HDAC8: variants seen among roughly 807,000 people sequenced by gnomAD.
HDAC8 encodes the protein histone deacetylase-like 1.
HDAC8 carries 1 observed loss-of-function variant against 32.2 expected under a neutral mutation model. That is an observed-to-expected ratio of 0.03 (90% CI 0.01 to 0.15). The LOEUF (loss-of-function observed/expected upper bound fraction) is 0.15. Ranked by LOEUF, HDAC8 falls within the 10% of genes least tolerant of loss-of-function variation. The pLI is 1.00. For missense variants in HDAC8, 117 were observed against 300.0 expected, an observed-to-expected ratio of 0.39 and a Z score of 4.51; for synonymous variants, 108 against 113.9, an observed-to-expected ratio of 0.95 and a Z score of 0.33.
intron 8 of HDAC8, among the ~76,000 whole-genome samples, chrX:72,462,726 G>A (rs781881765): frequency 3.6e-5 from 4 of 111,285 alleles, no homozygotes; most frequent in East Asian, 2.8e-4. Flanking sequence ...GTCACCCAAC[G>A]GCCATATTAT....
intron 9 of HDAC8, among the ~76,000 whole-genome samples, chrX:72,362,007 C>T (rs1384504309): frequency 3.6e-5 from 4 of 111,632 alleles, no homozygotes; most frequent in Non-Finnish European, 7.5e-5. Flanking sequence ...TGAAGCAATA[C>T]GCACAGCAGT....
intron 9 of HDAC8, among the ~76,000 whole-genome samples, chrX:72,371,581 G>A (rs2044877802): frequency 1.8e-5 from 2 of 111,519 alleles, no homozygotes; most frequent in Admixed American, 9.6e-5. Context: ...TTCTAGGAGA[G>A]AAAGCAGGAA....
At chrX:72,374,672 C>CAA (rs782421738) in intron 9 of HDAC8, among the ~76,000 whole-genome samples, 2 of 94,068 alleles carry the variant, frequency 2.1e-5, no homozygotes, top group African/African-American at 7.8e-5. Context: ...AACCCTGTCT[C>CAA]AAAAAAAAAA....
intron 9 of HDAC8, among the ~76,000 whole-genome samples, chrX:72,380,923 G>T (rs1227906000): frequency 1.8e-5 from 2 of 111,282 alleles, no homozygotes; most frequent in African/African-American, 6.5e-5. Context: ...TTAAAATCTG[G>T]TGTGTACTGA....
chrX:72,442,160 A>G (rs1226190534), intron 9 of HDAC8, among the ~76,000 whole-genome samples: 2 of 111,078 alleles, frequency 1.8e-5, no homozygotes, highest in African/African-American at 3.3e-5. Flanking sequence ...GCAGGCCAAC[A>G]TTCAGATTCA....
intron 9 of HDAC8, among the ~76,000 whole-genome samples, chrX:72,376,811 A>G (rs1242681018): frequency 9.0e-6 from 1 of 110,959 alleles, no homozygotes; most frequent in Non-Finnish European, 1.9e-5. Context: ...TTAATTTGTA[A>G]TCTTTCTTAT....
intron 9 of HDAC8, among the ~76,000 whole-genome samples, chrX:72,443,202 A>G (rs2047230815): frequency 1.8e-5 from 2 of 110,686 alleles, no homozygotes; most frequent in South Asian, 3.9e-4. Context: ...ACATCTACAG[A>G]ACTCTCCACC....
intron 9 of HDAC8, among the ~76,000 whole-genome samples, chrX:72,403,363 T>C (rs782376460): frequency 1.3e-3 from 145 of 112,164 alleles, no homozygotes; most frequent in Non-Finnish European, 2.4e-3. Context: ...CTTACTAGTA[T>C]CTACTTCAGA....
intron 7 of HDAC8, among the ~76,000 whole-genome samples, chrX:72,483,149 A>T (rs1371715595): frequency 4.5e-5 from 5 of 112,205 alleles, no homozygotes; most frequent in African/African-American, 1.6e-4. Flanking sequence ...CAGGCAAACA[A>T]TAAACTATGT....
intron 4 of HDAC8, among the ~76,000 whole-genome samples, chrX:72,524,955 C>T (rs906910725): frequency 5.4e-5 from 6 of 111,795 alleles, no homozygotes; most frequent in African/African-American, 2.0e-4. Context: ...TCGTGGAAGA[C>T]AATTTTTCCA....
In HDAC8 at chrX:72,458,298, C is replaced by CAATCACTGGCCTTATGG. The variant is rs1393753716; in HGVS notation, c.1005+3705_1005+3706insCCATAAGGCCAGTGATT. 1.3e-3 allele frequency among the ~76,000 whole-genome samples: 144 copies of CAATCACTGGCCTTATGG among 112,863 alleles called. 2 individuals carry two copies. Among genetic ancestry groups the CAATCACTGGCCTTATGG allele is most frequent in the African/African-American group, 4.2e-3 (130 of 31,095 alleles). ...TAACTTCCTCATCACTGGCTTTATGCCATCACTGGCCTTATGGCATCACTG... is the reference window on the plus strand; with the variant it reads ...TAACTTCCTCATCACTGGCTTTATGCAATCACTGGCCTTATGGCATCACTGGCCTTATGGCATCACTG... On this transcript the variant is annotated intron_variant, in intron 9 of 10. Coordinates refer to ENST00000373573, the MANE Select transcript of HDAC8 (RefSeq NM_018486.3).
intron 7 of HDAC8, among the ~76,000 whole-genome samples, chrX:72,481,836 C>G (rs1360743799): frequency 9.1e-6 from 1 of 110,087 alleles, no homozygotes; most frequent in African/African-American, 3.3e-5. Flanking sequence ...TCTTGAACCC[C>G]TAGCCTCAAT....
intron 10 of HDAC8, among the ~76,000 whole-genome samples, chrX:72,344,754 C>T (rs1179556782): frequency 9.0e-6 from 1 of 110,756 alleles, no homozygotes; most frequent in African/African-American, 3.3e-5. Flanking sequence ...CTATAAATGG[C>T]CTACCTCCCA....
intron 4 of HDAC8, among the ~76,000 whole-genome samples, chrX:72,499,877 C>A (rs891080888): frequency 9.0e-6 from 1 of 110,771 alleles, no homozygotes; most frequent in African/African-American, 3.3e-5. Flanking sequence ...TAAGATAGGC[C>A]GCTAGCTAGA....
intron 10 of HDAC8, among the ~76,000 whole-genome samples, chrX:72,338,426 C>T (rs1379765712): frequency 9.1e-6 from 1 of 109,811 alleles, no homozygotes; most frequent in Non-Finnish European, 1.9e-5. Context: ...GAGAACCAGG[C>T]TAGGATACAT....
chrX:72,375,877 A>G (rs1416440101), intron 9 of HDAC8, among the ~76,000 whole-genome samples: 3 of 112,090 alleles, frequency 2.7e-5, no homozygotes, highest in African/African-American at 9.7e-5. Flanking sequence ...TTGACTAGTG[A>G]AACCATATGT....
chrX:72,431,939 C>T (rs1263497662), intron 9 of HDAC8, among the ~76,000 whole-genome samples: 1 of 111,659 alleles, frequency 9.0e-6, no homozygotes, highest in Admixed American at 9.5e-5. Flanking sequence ...CCCAATGTCA[C>T]ACGGCTGATA....
intron 9 of HDAC8, among the ~76,000 whole-genome samples, chrX:72,404,014 AT>A (rs2045974181): frequency 8.9e-6 from 1 of 112,041 alleles, no homozygotes; most frequent in Non-Finnish European, 1.9e-5. Context: ...AATAAATAAA[AT>A]TGTTTAATGA....
intron 9 of HDAC8, among the ~76,000 whole-genome samples, chrX:72,383,480 T>C (rs2045321718): frequency 8.9e-6 from 1 of 112,084 alleles, no homozygotes; most frequent in South Asian, 3.7e-4. Flanking sequence ...CCCCAAGATG[T>C]TGTAAGCAAG....
Sources: gnomAD v4.1 joint callset for allele counts (sites outside exome capture counted in the v4.1 genomes callset) on GRCh38, gnomAD v4.1.1 for gene constraint, MANE v1.5 for transcripts, NCBI Gene and HGNC (gene_info 2026-07-23, HGNC 2026-07-21) for gene names.